TECTA: variants seen among roughly 807,000 people sequenced by gnomAD.
The protein encoded by TECTA is tectorin alpha.
A neutral mutation model predicts 216.8 loss-of-function variants in TECTA; 128 were observed. The ratio of observed to expected loss-of-function variants is 0.59; its 90% CI spans 0.51 to 0.68. The LOEUF (loss-of-function observed/expected upper bound fraction) is 0.68. Among genes scored for constraint, TECTA ranks in the 30% least tolerant of loss-of-function variants. The pLI, the probability that TECTA is intolerant of heterozygous loss-of-function variation, is 0.00. For missense variants in TECTA, 2,551 were observed against 2,786.2 expected, an observed-to-expected ratio of 0.92 and a Z score of 1.90; for synonymous variants, 1,089 against 1,117.1, an observed-to-expected ratio of 0.97 and a Z score of 0.50.
chr11:121,156,488 C>A (rs1946942233), intron 13 of TECTA, among the ~76,000 whole-genome samples: 1 of 152,062 alleles, frequency 6.6e-6, no homozygotes, highest in Non-Finnish European at 1.5e-5. Context: ...GGACTATAGA[C>A]ATGTGCCACC....
At chr11:121,116,805 C>T (rs1946506363) in intron 6 of TECTA, among the ~76,000 whole-genome samples, 1 of 152,214 alleles carries the variant, frequency 6.6e-6, no homozygotes. Flanking sequence ...CCTGAAAAAG[C>T]AGGGCCTGGA....
chr11:121,136,256 T>C (rs1358965569), intron 10 of TECTA, among the ~76,000 whole-genome samples: 1 of 152,204 alleles, frequency 6.6e-6, no homozygotes, highest in Non-Finnish European at 1.5e-5. Context: ...GCTGTGCTTT[T>C]TGACCAAGAG....
chr11:121,102,629 G>A, intron 1 of TECTA, 36 bp from the exon 2 acceptor site: 1 of 1,559,970 alleles, frequency 6.4e-7, no homozygotes, highest in Admixed American at 1.7e-5. Context: ...CTGGCAAGCT[G>A]GGGATTTTTT....
chr11:121,183,034 C>T (rs139107283), intron 20 of TECTA, among the ~76,000 whole-genome samples: 1,987 of 152,262 alleles, frequency 0.013, 20 homozygotes, highest in Middle Eastern at 0.048. Flanking sequence ...GGAGCTTGTG[C>T]GTCAGCCCCT....
chr11:121,137,408 T>C lies in TECTA; in HGVS notation c.2942-13T>C. On this transcript the variant is annotated splice_polypyrimidine_tract_variant and intron_variant, in intron 10 of 23. Transcript: ENST00000392793. ...CCTTTTCTCAAACCCGTCTTCTCCT[T>C]GACCACCTGCAGCACTGGAGTGCCC... 6.2e-7 allele frequency: 1 copy of C among 1,613,902 alleles called. No homozygotes were observed. The highest frequency in any genetic ancestry group is 1.7e-5 in the Admixed American group (1 of 60,002).
rs562325208 is a variant in TECTA, at chr11:121,118,452, T to G, written c.937T>G (p.Tyr313Asp). Reference sequence around the variant, plus strand: ...GTGCGAACCCAAAGGCAAATTCTTCTACTGCAGCGCTGTGGAGACCAGCAC... The same window carrying G: ...GTGCGAACCCAAAGGCAAATTCTTCGACTGCAGCGCTGTGGAGACCAGCAC... ...EVCEPKGKFFYCSAVETSTCV... is the reference protein window; with the variant it reads ...EVCEPKGKFFDCSAVETSTCV... Residue 313 changes from tyrosine (Y) to aspartate (D), a missense_variant, in exon 7 of 24, where the codon TAC (tyrosine) becomes GAC (aspartate). By Grantham distance (160) the Tyr-to-Asp change is radical. This residue lies in a region of TECTA where 2,375 missense variants were observed against 2,563.9 expected (regional missense o/e 0.93). Coordinates refer to ENST00000392793, the MANE Select transcript of TECTA (RefSeq NM_005422.4). 1.2e-6 allele frequency: 2 copies of G among 1,614,112 alleles called. No homozygotes were observed. Among genetic ancestry groups the G allele is most frequent in the East Asian group, 4.5e-5 (2 of 44,900 alleles).
In TECTA at chr11:121,127,162, C is replaced by CTTTG. The variant is rs1946620963; in HGVS notation, c.1775-590_1775-589insTTTG. ...CATCTTACCTTGTCTCCTGGAGAAA[C>CTTTG]AGCCACACAAATTCTTTGAATTCTT... On this transcript the variant is annotated intron_variant, in intron 8 of 23. Coordinates refer to ENST00000392793, the MANE Select transcript of TECTA (RefSeq NM_005422.4). The surrounding 1 kb of genome is among the most constrained non-coding windows in gnomAD (Gnocchi z 5.0). Among the ~76,000 whole-genome samples, 1 of 152,230 alleles carries CTTTG rather than the reference C, an allele frequency of 6.6e-6. No individual in the cohort carries two copies. Among genetic ancestry groups the CTTTG allele is most frequent in the Non-Finnish European group, 1.5e-5 (1 of 68,046 alleles).
intron 15 of TECTA, among the ~76,000 whole-genome samples, chr11:121,160,813 A>G (rs1591460546): frequency 6.6e-6 from 1 of 152,156 alleles, no homozygotes; most frequent in African/African-American, 2.4e-5. Flanking sequence ...TGCTGGGTCT[A>G]ATTGTGTGTC....
At chr11:121,167,954 G>A in intron 18 of TECTA, 100 bp from the exon 19 acceptor site, 1 of 1,398,520 alleles carries the variant, frequency 7.2e-7, no homozygotes, top group Non-Finnish European at 1.0e-6. Context: ...ATTATGTATG[G>A]AAGGAAGCCA....
At chr11:121,171,678 A>G (rs1300876846) in intron 20 of TECTA, among the ~76,000 whole-genome samples, 3 of 152,136 alleles carry the variant, frequency 2.0e-5, no homozygotes, top group Non-Finnish European at 4.4e-5. Context: ...TGTAGGTATT[A>G]TAAATGAGAT....
At position 121,165,305 on chromosome 11, in the gene TECTA, G is replaced by T. The variant is rs1305492258; in HGVS notation, c.5305G>T (p.Asp1769Tyr). The change falls in exon 17 of 24, where the codon GAC becomes TAC. Residue 1769 changes from aspartate to tyrosine, a missense_variant. Physicochemically the swap from Asp to Tyr is radical, Grantham distance 160. This residue lies in a region of TECTA where 2,375 missense variants were observed against 2,563.9 expected (regional missense o/e 0.93). Coordinates refer to ENST00000392793, the MANE Select transcript of TECTA (RefSeq NM_005422.4). The part of the protein sequence containing the change: ...GVVEDPCVGA[D>Y]CPNRTCELGN... ...GGTTGAAGATCCCTGTGTGGGGGCG[G>T]ACTGTCCCAACCGAACTTGCGAGCT... 6.2e-7 allele frequency: 1 copy of T among 1,608,250 alleles called. No individual in the cohort carries two copies.
intron 7 of TECTA, among the ~76,000 whole-genome samples, chr11:121,123,337 C>T (rs1357438112): frequency 2.0e-5 from 3 of 152,218 alleles, no homozygotes; most frequent in Non-Finnish European, 4.4e-5. Context: ...ATGCCTGGGG[C>T]TCACTCTTGA....
intron 13 of TECTA, among the ~76,000 whole-genome samples, chr11:121,153,704 A>T (rs1942695950): frequency 6.6e-6 from 1 of 152,214 alleles, no homozygotes; most frequent in Non-Finnish European, 1.5e-5. Flanking sequence ...CATAGAGTTC[A>T]TGAAGATGCC....
In TECTA at chr11:121,177,557, C is replaced by T. The variant is rs541216525; in HGVS notation, c.5999+8632C>T. The stretch of plus-strand genomic sequence containing the variant: ...GGAAGTTTTGTCTCAGAGGAGTACC[C>T]GGCCGTGTGAGGTGTCAGTCTGCCC... On this transcript the variant is annotated intron_variant, in intron 20 of 23. Transcript: ENST00000392793. 1.7e-3 allele frequency among the ~76,000 whole-genome samples: 253 copies of T among 152,144 alleles called. 8 individuals carry two copies. In the East Asian group the frequency reaches 0.038, roughly 23 times the overall value.
chr11:121,136,820 A>C (rs886292662), intron 10 of TECTA, among the ~76,000 whole-genome samples: 21 of 152,184 alleles, frequency 1.4e-4, no homozygotes, highest in Non-Finnish European at 2.5e-4. Context: ...ATTTATTTAA[A>C]TCATTGAACT....
At chr11:121,134,348 C>CACACACACACACAT (rs397808440) in intron 10 of TECTA, among the ~76,000 whole-genome samples, 3 of 151,624 alleles carry the variant, frequency 2.0e-5, no homozygotes, top group African/African-American at 7.3e-5. Flanking sequence ...CACACACACA[C>CACACACACACACAT]GCACACACTT....
chr11:121,179,600 A>G (rs926541835), intron 20 of TECTA, among the ~76,000 whole-genome samples: 4 of 152,046 alleles, frequency 2.6e-5, no homozygotes, highest in Admixed American at 2.6e-4. Flanking sequence ...TTTTCTTTCC[A>G]ATGTTGAGAG....
At chr11:121,142,455 C>T (rs1285484186) in intron 11 of TECTA, among the ~76,000 whole-genome samples, 2 of 152,158 alleles carry the variant, frequency 1.3e-5, no homozygotes, top group Admixed American at 1.3e-4. Context: ...GAAGCCGAGC[C>T]TGTCTGAGTA....
chr11:121,182,119 T>C (rs183567667), intron 20 of TECTA, among the ~76,000 whole-genome samples: 74 of 152,178 alleles, frequency 4.9e-4, no homozygotes, highest in Middle Eastern at 3.4e-3. Flanking sequence ...GTGGTGGTGA[T>C]AGCAGGCTAG....
Sources: allele counts gnomAD v4.1 joint callset (sites outside exome capture counted in the v4.1 genomes callset), GRCh38; gene constraint gnomAD v4.1.1; regional missense constraint gnomAD v4.1.1; non-coding constraint Gnocchi (gnomAD v3.1); transcripts MANE v1.5; gene names NCBI Gene and HGNC (gene_info 2026-07-23, HGNC 2026-07-21).